Variants in SLC8A1 observed in about 807,000 individuals in gnomAD.
SLC8A1 encodes the protein solute carrier family 8 member A1.
In SLC8A1, 18 loss-of-function variants were observed where a neutral mutation model predicts 68.3. The observed-to-expected ratio is 0.26, with a 90% CI of 0.18 to 0.39. The LOEUF (loss-of-function observed/expected upper bound fraction) is 0.39. Among genes scored for constraint, SLC8A1 ranks in the 10% least tolerant of loss-of-function variants. The pLI is 1.00. For synonymous variants in SLC8A1, 475 were observed against 415.5 expected (o/e 1.14, Z -1.74); for missense variants, 985 against 1,156.7 (o/e 0.85, Z 2.15).
intron 2 of SLC8A1, among the ~76,000 whole-genome samples, chr2:40,314,253 A>G (rs1213448374): frequency 6.6e-6 from 1 of 152,114 alleles, no homozygotes; most frequent in African/African-American, 2.4e-5. Flanking sequence ...TGTTCTGCAC[A>G]GAATTGCCTT....
intron 2 of SLC8A1, among the ~76,000 whole-genome samples, chr2:40,300,158 C>T (rs2071184171): frequency 2.0e-5 from 3 of 151,902 alleles, no homozygotes; most frequent in Admixed American, 2.0e-4. Context: ...GCTTTGGTGA[C>T]AAAAATAAAA....
chr2:40,412,637 G>C (rs537283220), intron 2 of SLC8A1, among the ~76,000 whole-genome samples: 19 of 152,094 alleles, frequency 1.2e-4, no homozygotes, highest in Non-Finnish European at 2.2e-4. Context: ...AGACAGCACA[G>C]GTAATGTTAT....
At chr2:40,107,223 T>C (rs903922971) in exon 8 of SLC8A1, 1 of 123,398 alleles carries the variant, frequency 8.1e-6, no homozygotes, top group African/African-American at 3.0e-5. Context: ...GAGCTTGCAG[T>C]GAGCCGAGAT....
At chr2:40,349,905 C>A (rs1270497416) in intron 2 of SLC8A1, among the ~76,000 whole-genome samples, 1 of 151,990 alleles carries the variant, frequency 6.6e-6, no homozygotes, top group Non-Finnish European at 1.5e-5. Context: ...GTTTCTATTT[C>A]CCTAAGAGGG....
At chr2:40,339,939 C>G (rs556303182) in intron 2 of SLC8A1, among the ~76,000 whole-genome samples, 1 of 152,260 alleles carries the variant, frequency 6.6e-6, no homozygotes, top group Admixed American at 6.5e-5. Flanking sequence ...AAAGCTAGGT[C>G]AATCAAACAC....
chr2:40,286,412 C>G (rs974917211), intron 2 of SLC8A1, among the ~76,000 whole-genome samples: 2 of 152,154 alleles, frequency 1.3e-5, no homozygotes, highest in Admixed American at 6.6e-5. Flanking sequence ...TGAGAGGTAA[C>G]CATGCTTGAG....
At chr2:40,428,426 CA>C in intron 2 of SLC8A1, 46 bp downstream of exon 2, 11 of 49,348 alleles carry the variant, frequency 2.2e-4, no homozygotes, top group Non-Finnish European at 6.1e-4. Flanking sequence ...CACTGAACCA[CA>C]CACACACACA....
At chr2:40,157,098 T>C (rs1249244193) in intron 6 of SLC8A1, among the ~76,000 whole-genome samples, 2 of 152,244 alleles carry the variant, frequency 1.3e-5, no homozygotes, top group Admixed American at 6.5e-5. Context: ...AGTGTGTTTT[T>C]AGTCCCATAG....
intron 2 of SLC8A1, among the ~76,000 whole-genome samples, chr2:40,229,772 T>G (rs1339220954): frequency 6.6e-6 from 1 of 152,296 alleles, no homozygotes; most frequent in East Asian, 1.9e-4. Context: ...ATATCTTACT[T>G]TTTGCCTTCC....
At chr2:40,151,630 T>TAGTC (rs2148380829) in intron 6 of SLC8A1, among the ~76,000 whole-genome samples, 1 of 152,330 alleles carries the variant, frequency 6.6e-6, no homozygotes, top group East Asian at 1.9e-4. Flanking sequence ...AGGATGCTTT[T>TAGTC]AGTCACCTGA....
intron 2 of SLC8A1, among the ~76,000 whole-genome samples, chr2:40,359,040 G>A (rs1475413847): frequency 1.3e-5 from 2 of 152,094 alleles, no homozygotes; most frequent in South Asian, 2.1e-4. Flanking sequence ...CACGGTGATT[G>A]GAGGAATGGA....
chr2:40,195,329 C>T (rs180906806), intron 2 of SLC8A1, among the ~76,000 whole-genome samples: 57 of 151,778 alleles, frequency 3.8e-4, no homozygotes, highest in Non-Finnish European at 6.8e-4. Context: ...GTTCAGAGAC[C>T]GATGATCAAC....
At chr2:40,450,651 C>T (rs553191102) in intron 1 of SLC8A1, among the ~76,000 whole-genome samples, 28 of 152,318 alleles carry the variant, frequency 1.8e-4, no homozygotes, top group Admixed American at 1.3e-4. Flanking sequence ...CCACTGATAT[C>T]CTTTTTTTCT....
At chr2:40,120,182 AT>A (rs1406395974) in intron 7 of SLC8A1, among the ~76,000 whole-genome samples, 8 of 152,186 alleles carry the variant, frequency 5.3e-5, no homozygotes, top group Non-Finnish European at 1.2e-4. Flanking sequence ...TTCGCCCCAG[AT>A]GGTTCATCTT....
At chr2:40,435,506 C>G (rs1170436366) in intron 1 of SLC8A1, among the ~76,000 whole-genome samples, 1 of 152,076 alleles carries the variant, frequency 6.6e-6, no homozygotes, top group Non-Finnish European at 1.5e-5. Context: ...TACTTTGGGA[C>G]AGGTGCCGAA....
Position 40,466,601 on chromosome 2 carries a change from C to A in SLC8A1, c.-24-36297G>T, listed in dbSNP as rs148307315. 2.1e-3 allele frequency among the ~76,000 whole-genome samples: 326 copies of A among 152,224 alleles called. 1 individual carries two copies. Among genetic ancestry groups the A allele is most frequent in the African/African-American group, 7.7e-3 (321 of 41,550 alleles). On this transcript the variant is annotated intron_variant, in intron 1 of 7. Transcript: ENST00000402441. ...ACTGAGGGTGCTAATCTGCTTCTTT[C>A]TATATTACGAGGATCTTGTAGTGCA...
intron 2 of SLC8A1, among the ~76,000 whole-genome samples, chr2:40,201,842 C>T (rs1272464461): frequency 6.6e-6 from 1 of 151,884 alleles, no homozygotes; most frequent in Admixed American, 6.6e-5. Context: ...ATAAGGGGGT[C>T]AGGAGGTCAT....
chr2:40,344,986 C>T (rs80169100), intron 2 of SLC8A1, among the ~76,000 whole-genome samples: 3,822 of 150,502 alleles, frequency 0.025, 65 homozygotes, highest in Non-Finnish European at 0.037. Flanking sequence ...GAATCATCTT[C>T]CGTATTTTGT....
chr2:40,277,414 C>T (rs904285484), intron 2 of SLC8A1, among the ~76,000 whole-genome samples: 6 of 152,018 alleles, frequency 3.9e-5, no homozygotes, highest in Admixed American at 3.9e-4. Context: ...GTGGTGGGTG[C>T]CTGTAATCCC....
Sources: allele counts gnomAD v4.1 joint callset (sites outside exome capture counted in the v4.1 genomes callset), GRCh38; gene constraint gnomAD v4.1.1; transcripts MANE v1.5; gene names NCBI Gene and HGNC (gene_info 2026-07-23, HGNC 2026-07-21).